DLG2: variants seen among roughly 807,000 people sequenced by gnomAD.
DLG2 encodes discs large MAGUK scaffold protein 2, also known as disks large homolog 2.
DLG2 carries 45 observed loss-of-function variants against 132.5 expected under a neutral mutation model. That is an observed-to-expected ratio of 0.34 (90% CI 0.27 to 0.44). The LOEUF is 0.44. Among genes scored for constraint, DLG2 ranks in the 20% least tolerant of loss-of-function variants. DLG2 has a pLI of 1.00. For missense variants in DLG2, 1,045 were observed against 1,196.9 expected (o/e 0.87, Z 1.87); for synonymous variants, 424 against 419.6 (o/e 1.01, Z -0.13).
intron 6 of DLG2, among the ~76,000 whole-genome samples, chr11:84,638,597 A>G (rs2099644745): frequency 6.6e-6 from 1 of 152,200 alleles, no homozygotes; most frequent in Admixed American, 6.5e-5. Context: ...ATAAGGTTAA[A>G]TGAGTGTTAT....
At chr11:85,014,742 T>C (rs2059427818) in intron 6 of DLG2, among the ~76,000 whole-genome samples, 1 of 152,186 alleles carries the variant, frequency 6.6e-6, no homozygotes, top group Non-Finnish European at 1.5e-5. Context: ...CCTCCTTTGG[T>C]ACACCCCAAA....
chr11:84,281,511 T>C (rs1254866846), intron 7 of DLG2, among the ~76,000 whole-genome samples: 2 of 152,016 alleles, frequency 1.3e-5, no homozygotes, highest in Non-Finnish European at 2.9e-5. Context: ...TACATATGTA[T>C]ACATGTGCCA....
At chr11:84,261,353 CA>C in intron 7 of DLG2, among the ~76,000 whole-genome samples, 2 of 152,240 alleles carry the variant, frequency 1.3e-5, no homozygotes, top group East Asian at 3.9e-4. Context: ...CATCCTAAAT[CA>C]GTTGCAGTCC....
At chr11:84,867,447 G>A (rs2084754855) in intron 6 of DLG2, among the ~76,000 whole-genome samples, 1 of 152,098 alleles carries the variant, frequency 6.6e-6, no homozygotes, top group Non-Finnish European at 1.5e-5. Context: ...TTCAAGTTTT[G>A]GAAGGTATGA....
chr11:85,249,038 A>C (rs1187761376), intron 4 of DLG2, among the ~76,000 whole-genome samples: 2 of 152,112 alleles, frequency 1.3e-5, no homozygotes, highest in Admixed American at 6.6e-5. Context: ...TTTTTTAAAG[A>C]GTGTAGCCAC....
intron 6 of DLG2, among the ~76,000 whole-genome samples, chr11:84,921,353 TG>T (rs2092749441): frequency 6.6e-6 from 1 of 152,148 alleles, no homozygotes; most frequent in African/African-American, 2.4e-5. Context: ...GCAATGCATA[TG>T]GTCTCAATTT....
chr11:84,650,130 A>G (rs1459806809), intron 6 of DLG2, among the ~76,000 whole-genome samples: 2 of 152,092 alleles, frequency 1.3e-5, no homozygotes, highest in African/African-American at 4.8e-5. Context: ...TATTCATTCC[A>G]TCTCCTCAGA....
chr11:85,470,963 C>A (rs1474656650), intron 3 of DLG2, among the ~76,000 whole-genome samples: 1 of 152,194 alleles, frequency 6.6e-6, no homozygotes, highest in African/African-American at 2.4e-5. Flanking sequence ...TTCTGCCTTG[C>A]AACACTTATT....
chr11:83,713,994 G>C lies in DLG2; in HGVS notation c.1825+72696C>G, dbSNP rs141833672. On this transcript the variant is annotated intron_variant, in intron 18 of 27. Coordinates refer to ENST00000376104, the MANE Select transcript of DLG2 (RefSeq NM_001142699.3). ...TGAAGTAAGTGAAGTTGCCAGAGTGGGTCTGAAAACATACTATTGGGTCAA... is the reference window on the plus strand; with the variant it reads ...TGAAGTAAGTGAAGTTGCCAGAGTGCGTCTGAAAACATACTATTGGGTCAA... Among the ~76,000 whole-genome samples, 364 of 152,150 alleles carry C rather than the reference G, an allele frequency of 2.4e-3. 2 individuals carry two copies. The highest frequency in any genetic ancestry group is 8.6e-3 in the African/African-American group (358 of 41,518).
intron 8 of DLG2, among the ~76,000 whole-genome samples, chr11:84,176,214 G>A (rs1480056429): frequency 6.6e-6 from 1 of 151,668 alleles, no homozygotes; most frequent in African/African-American, 2.4e-5. Flanking sequence ...TAAGAAAGGT[G>A]AAGAGGTAGA....
rs187489489 is a variant in DLG2, at chr11:85,187,383, A to G, written c.187-32732T>C. Among the ~76,000 whole-genome samples the G allele has an allele frequency of 2.0e-5, 3 of 152,284 alleles. No homozygotes were observed. In the East Asian group the frequency reaches 5.8e-4, roughly 29 times the overall value. ...TATGGCTGTCATGACCTAACGGTTC[A>G]TTGCCTATTAGGATGGGACCCACTG... On this transcript the variant is annotated intron_variant, in intron 4 of 27. Coordinates refer to ENST00000376104, the MANE Select transcript of DLG2 (RefSeq NM_001142699.3).
chr11:85,501,556 C>G (rs577322780), intron 3 of DLG2, among the ~76,000 whole-genome samples: 1 of 152,260 alleles, frequency 6.6e-6, no homozygotes, highest in South Asian at 2.1e-4. Flanking sequence ...CTACAAAGAA[C>G]TTAAACAAAT....
At position 83,536,277 on chromosome 11, in the gene DLG2, A is replaced by G. The variant is rs548997485; in HGVS notation, c.2118-3494T>C. ...AAGTTGACCTCAAAATTCAGAATAA[A>G]TTTACTTTAAACATGGAAATCTGCT... On this transcript the variant is annotated intron_variant, in intron 20 of 27. Coordinates refer to ENST00000376104, the MANE Select transcript of DLG2 (RefSeq NM_001142699.3). 2.6e-5 allele frequency among the ~76,000 whole-genome samples: 4 copies of G among 152,300 alleles called. No individual in the cohort carries two copies. In the East Asian group the frequency reaches 7.7e-4, roughly 29 times the overall value.
At chr11:84,038,918 T>A (rs1179737615) in intron 11 of DLG2, among the ~76,000 whole-genome samples, 1 of 151,960 alleles carries the variant, frequency 6.6e-6, no homozygotes. Context: ...AAGAACTCAC[T>A]CAATATCACT....
intron 11 of DLG2, among the ~76,000 whole-genome samples, chr11:83,989,043 AGAAT>A (rs1347871903): frequency 6.6e-6 from 1 of 152,154 alleles, no homozygotes; most frequent in Non-Finnish European, 1.5e-5. Flanking sequence ...ATTAAGTGAA[AGAAT>A]GAATGAACAA....
At chr11:85,573,956 T>A (rs1355504727) in intron 3 of DLG2, among the ~76,000 whole-genome samples, 1 of 152,172 alleles carries the variant, frequency 6.6e-6, no homozygotes, top group Non-Finnish European at 1.5e-5. Flanking sequence ...TCAAGTCAGT[T>A]AGACTAAATT....
chr11:85,421,576 G>C (rs145045699), intron 3 of DLG2, among the ~76,000 whole-genome samples: 1 of 151,876 alleles, frequency 6.6e-6, no homozygotes, highest in Admixed American at 6.6e-5. Flanking sequence ...TGGGTCTCTT[G>C]AAGGCAGCAT....
intron 5 of DLG2, among the ~76,000 whole-genome samples, chr11:85,144,669 TG>T (rs1272793666): frequency 6.6e-6 from 1 of 151,974 alleles, no homozygotes; most frequent in African/African-American, 2.4e-5. Flanking sequence ...ACAACCTAAC[TG>T]ATTTCAGAAA....
intron 4 of DLG2, among the ~76,000 whole-genome samples, chr11:85,235,644 G>C (rs932375303): frequency 6.6e-6 from 1 of 151,842 alleles, no homozygotes; most frequent in African/African-American, 2.4e-5. Context: ...CTAGGAAAGA[G>C]TATGTTCAGA....
Sources: allele counts gnomAD v4.1 joint callset (sites outside exome capture counted in the v4.1 genomes callset), GRCh38; gene constraint gnomAD v4.1.1; transcripts MANE v1.5; gene names NCBI Gene and HGNC (gene_info 2026-07-23, HGNC 2026-07-21).